EDA: variants seen among roughly 807,000 people sequenced by gnomAD.
EDA encodes the protein ectodysplasin A, also known as ectodysplasin-A.
Under a neutral mutation model 23.6 loss-of-function variants are expected in EDA, and 2 were observed. The ratio of observed to expected loss-of-function variants is 0.08; its 90% CI spans 0.03 to 0.27. The LOEUF (loss-of-function observed/expected upper bound fraction) is 0.27, where lower values mean the gene tolerates loss of function less well. EDA is among the 10% of genes least tolerant of loss of function. The pLI, the probability that EDA is intolerant of heterozygous loss-of-function variation, is 1.00. For missense variants in EDA, 229 were observed against 324.2 expected, an observed-to-expected ratio of 0.71 and a Z score of 2.26; for synonymous variants, 131 against 132.0, an observed-to-expected ratio of 0.99 and a Z score of 0.05.
At chrX:69,765,870 T>C (rs1427008911) in intron 1 of EDA, among the ~76,000 whole-genome samples, 1 of 111,641 alleles carries the variant, frequency 9.0e-6, no homozygotes, top group Non-Finnish European at 1.9e-5. Context: ...GAGTCAAACC[T>C]GCTCCCTACC....
chrX:69,702,896 T>G lies in EDA; in HGVS notation c.396+86192T>G, dbSNP rs747631716. Among the ~76,000 whole-genome samples the G allele has an allele frequency of 5.4e-5, 6 of 111,022 alleles. No individual in the cohort carries two copies. In the East Asian group the frequency reaches 1.1e-3, roughly 21 times the overall value. ...AATTCATACTGTGGCCAGACTGAAT[T>G]GCAAAAAAGACAAGGTGTTTAGGGC... On this transcript the variant is annotated intron_variant, in intron 1 of 7. Transcript: ENST00000374552.
At chrX:69,900,894 A>G (rs1028920177) in intron 1 of EDA, among the ~76,000 whole-genome samples, 1 of 111,103 alleles carries the variant, frequency 9.0e-6, no homozygotes, top group Non-Finnish European at 1.9e-5. Flanking sequence ...CTCTCTCCCT[A>G]CTAATGCTGT....
chrX:70,028,002 T>C lies in EDA; in HGVS notation c.672T>C (p.Gly224=). ...MGPPGPPGPP[G]PQGPPGLQGP... ...CACCTGGTCCTCCAGGTCCTCCTGG[T>C]CCTCAAGGACCCCCTGGCCTCCAGG... Residue 224 remains glycine, a synonymous_variant, in exon 4 of 8, where the codon GGT becomes GGC. Coordinates refer to ENST00000374552, the MANE Select transcript of EDA (RefSeq NM_001399.5). 2 of 1,193,950 alleles carry C rather than the reference T, an allele frequency of 1.7e-6. No homozygotes were observed.
chrX:69,747,717 ACAGGGCTTGCC>A (rs1286742625), intron 1 of EDA, among the ~76,000 whole-genome samples: 1 of 112,111 alleles, frequency 8.9e-6, no homozygotes, highest in Non-Finnish European at 1.9e-5. Context: ...GATAGAGTCA[ACAGGGCTTGCC>A]CATGGGTTAG....
intron 1 of EDA, among the ~76,000 whole-genome samples, chrX:69,799,385 A>G (rs1202874399): frequency 2.7e-5 from 3 of 111,177 alleles, no homozygotes; most frequent in African/African-American, 6.5e-5. Flanking sequence ...GAAACAATCA[A>G]CAAAGTGTAG....
chrX:69,972,701 C>T (rs1437773973), intron 2 of EDA, among the ~76,000 whole-genome samples: 1 of 111,540 alleles, frequency 9.0e-6, no homozygotes. Context: ...AACAGTAATA[C>T]ATCACTGGGA....
At chrX:69,938,995 A>G (rs1011963988) in intron 1 of EDA, among the ~76,000 whole-genome samples, 1 of 111,725 alleles carries the variant, frequency 9.0e-6, no homozygotes, top group African/African-American at 3.3e-5. Context: ...TTGGGTTGCT[A>G]TAGCTCTGTA....
chrX:69,950,137 A>G (rs2018893729), intron 1 of EDA, among the ~76,000 whole-genome samples: 1 of 80,114 alleles, frequency 1.2e-5, no homozygotes, highest in Non-Finnish European at 2.4e-5. Flanking sequence ...AGAAACTACC[A>G]TCAGAGTGAA....
intron 1 of EDA, among the ~76,000 whole-genome samples, chrX:69,908,454 G>A (rs2018210228): frequency 2.8e-5 from 3 of 106,422 alleles, no homozygotes; most frequent in African/African-American, 1.0e-4. Context: ...TCAATAACTT[G>A]GACAAAGATA....
At chrX:69,670,079 A>G (rs1401504883) in intron 1 of EDA, 3 of 300,969 alleles carry the variant, frequency 1.0e-5, no homozygotes, top group African/African-American at 8.3e-5. Flanking sequence ...CTTGTAGGGC[A>G]GGTCCAGTGG....
At chrX:69,904,851 A>G (rs1431851233) in intron 1 of EDA, among the ~76,000 whole-genome samples, 2 of 112,074 alleles carry the variant, frequency 1.8e-5, no homozygotes, top group African/African-American at 6.5e-5. Context: ...TGCAAATGAC[A>G]GGATCTCATT....
chrX:69,676,165 T>A (rs1934072104), intron 1 of EDA, among the ~76,000 whole-genome samples: 1 of 111,402 alleles, frequency 9.0e-6, no homozygotes, highest in African/African-American at 3.3e-5. Context: ...GGCTTTGTGT[T>A]ATGAGTGAAA....
intron 1 of EDA, among the ~76,000 whole-genome samples, chrX:69,942,740 C>T (rs1479785930): frequency 9.0e-6 from 1 of 111,121 alleles, no homozygotes; most frequent in Non-Finnish European, 1.9e-5. Flanking sequence ...TACCTTTCTC[C>T]AGGTTTGGGA....
chrX:69,926,533 G>T (rs1209904631), intron 1 of EDA, among the ~76,000 whole-genome samples: 1 of 111,633 alleles, frequency 9.0e-6, no homozygotes, highest in African/African-American at 3.3e-5. Context: ...TGTTTGTTAC[G>T]ATGTCAGTTC....
intron 1 of EDA, among the ~76,000 whole-genome samples, chrX:69,935,718 A>C (rs988272125): frequency 6.3e-5 from 7 of 110,373 alleles, no homozygotes; most frequent in African/African-American, 2.3e-4. Context: ...GGTAGGGTTA[A>C]TGATTACCGA....
At chrX:69,745,367 C>A (rs947850328) in intron 1 of EDA, among the ~76,000 whole-genome samples, 1 of 111,273 alleles carries the variant, frequency 9.0e-6, no homozygotes, top group African/African-American at 3.3e-5. Context: ...AATAAAAGAA[C>A]CTTTGGTAAA....
chrX:69,754,981 C>G (rs991390559), intron 1 of EDA, among the ~76,000 whole-genome samples: 1 of 111,524 alleles, frequency 9.0e-6, no homozygotes, highest in Non-Finnish European at 1.9e-5. Context: ...TTTTTAGCTT[C>G]TTTGCGATGG....
chrX:69,805,415 TA>T (rs1002271654), intron 1 of EDA, among the ~76,000 whole-genome samples: 2 of 111,769 alleles, frequency 1.8e-5, no homozygotes, highest in Admixed American at 9.5e-5. Flanking sequence ...TAATCAGACA[TA>T]AATTTTGTAC....
At chrX:69,861,005 A>G (rs2017373016) in intron 1 of EDA, 5 of 502,770 alleles carry the variant, frequency 9.9e-6, no homozygotes, top group Non-Finnish European at 1.8e-5. Context: ...ATAACTGTTA[A>G]ATGAACATTT....
Sources: gnomAD v4.1 joint callset for allele counts (sites outside exome capture counted in the v4.1 genomes callset) on GRCh38, gnomAD v4.1.1 for gene constraint, MANE v1.5 for transcripts, NCBI Gene and HGNC (gene_info 2026-07-23, HGNC 2026-07-21) for gene names.